Variants in ATP11B observed in about 807,000 individuals in gnomAD.
The protein encoded by ATP11B is ATPase phospholipid transporting 11B (putative), also known as phospholipid-transporting ATPase IF.
A neutral mutation model predicts 157.8 loss-of-function variants in ATP11B; 81 were observed. That is an observed-to-expected ratio of 0.51 (90% CI 0.43 to 0.62). The LOEUF (loss-of-function observed/expected upper bound fraction) is 0.62. Among genes scored for constraint, ATP11B ranks in the 20% least tolerant of loss-of-function variants. The pLI is 0.00. For synonymous variants in ATP11B, 451 were observed against 469.4 expected (o/e 0.96, Z 0.51); for missense variants, 1,165 against 1,402.2 (o/e 0.83, Z 2.70).
At chr3:182,798,947 C>T (rs1482630992) in intron 1 of ATP11B, among the ~76,000 whole-genome samples, 2 of 152,168 alleles carry the variant, frequency 1.3e-5, no homozygotes, top group East Asian at 1.9e-4. Flanking sequence ...AGAAAATTAA[C>T]ATATGTGGCT....
At chr3:182,856,665 A>G (rs1052169631) in intron 10 of ATP11B, among the ~76,000 whole-genome samples, 11 of 152,228 alleles carry the variant, frequency 7.2e-5, no homozygotes, top group African/African-American at 2.7e-4. Context: ...TGCCTAATAC[A>G]TAATAACCAA....
intron 22 of ATP11B, 59 bp downstream of exon 22, chr3:182,884,957 G>A: frequency 2.0e-6 from 2 of 1,011,116 alleles, no homozygotes. Flanking sequence ...TTCAATTTAA[G>A]GAATGTTATA....
chr3:182,831,652 T>C (rs1718153472), intron 4 of ATP11B, among the ~76,000 whole-genome samples: 1 of 152,016 alleles, frequency 6.6e-6, no homozygotes, highest in Non-Finnish European at 1.5e-5. Context: ...TGCTCCTATC[T>C]CAAGATTTTA....
At chr3:182,797,694 G>A (rs1715711400) in intron 1 of ATP11B, among the ~76,000 whole-genome samples, 1 of 149,320 alleles carries the variant, frequency 6.7e-6, no homozygotes, top group African/African-American at 2.5e-5. Flanking sequence ...GGTGACAGAG[G>A]GAGACTCTGT....
chr3:182,917,274 A>G lies in ATP11B; in HGVS notation c.3453-749A>G, dbSNP rs929537053. On this transcript the variant is annotated intron_variant, in intron 29 of 29. Coordinates refer to ENST00000323116, the MANE Select transcript of ATP11B (RefSeq NM_014616.3). ...AAGAAAAGCAGTCTTTCACTTGGTA[A>G]TCCTAATACTGTCCTTGAACTAGGT... 3.0e-6 allele frequency: 3 copies of G among 985,228 alleles called. No homozygotes were observed. In the African/African-American group the frequency reaches 5.2e-5, roughly 17 times the overall value. 61.0% of individuals were successfully genotyped at this position (985,228 alleles called of 1,614,324 possible). A position where few individuals can be genotyped will look rare whatever the true frequency, so the allele number is the denominator to read the frequency against.
chr3:182,899,548 C>T (rs1723807899), intron 28 of ATP11B, among the ~76,000 whole-genome samples: 1 of 152,058 alleles, frequency 6.6e-6, no homozygotes, highest in Non-Finnish European at 1.5e-5. Context: ...TTTAAAATTA[C>T]ATTATCTCAC....
chr3:182,840,229 C>G (rs1387806890), intron 7 of ATP11B, among the ~76,000 whole-genome samples: 2 of 152,170 alleles, frequency 1.3e-5, no homozygotes, highest in Admixed American at 1.3e-4. Context: ...AACTTGTCTT[C>G]CAGGACACTC....
intron 17 of ATP11B, 104 bp downstream of exon 17, chr3:182,869,435 G>T (rs950706911): frequency 1.3e-6 from 1 of 775,954 alleles, no homozygotes; most frequent in Non-Finnish European, 2.0e-6. Flanking sequence ...ACATTCTGCA[G>T]TTGTGTTACA....
At chr3:182,857,835 A>T in intron 10 of ATP11B, 43 bp from the exon 11 acceptor site, 1 of 1,247,014 alleles carries the variant, frequency 8.0e-7, no homozygotes, top group Non-Finnish European at 1.1e-6. Flanking sequence ...GAATATAGTA[A>T]TACATGAGTT....
chr3:182,828,871 T>C (rs1717915363), intron 3 of ATP11B, among the ~76,000 whole-genome samples: 1 of 152,112 alleles, frequency 6.6e-6, no homozygotes, highest in South Asian at 2.1e-4. Flanking sequence ...GTTATTCTTT[T>C]CCGATAAAAC....
chr3:182,835,792 A>T (rs539657712), intron 4 of ATP11B, among the ~76,000 whole-genome samples: 1 of 152,252 alleles, frequency 6.6e-6, no homozygotes, highest in African/African-American at 2.4e-5. Context: ...GAGCCTCCTT[A>T]AGGAAATTGA....
intron 14 of ATP11B, 138 bp from the exon 15 acceptor site, chr3:182,867,237 GT>G (rs1721310404): frequency 3.2e-6 from 2 of 621,540 alleles, no homozygotes; most frequent in Non-Finnish European, 5.5e-6. Context: ...CACCAAAGTT[GT>G]AATATTAAAA....
At chr3:182,898,337 A>T (rs1723704107) in intron 27 of ATP11B, among the ~76,000 whole-genome samples, 2 of 152,116 alleles carry the variant, frequency 1.3e-5, no homozygotes, top group South Asian at 4.1e-4. Flanking sequence ...TTAAGTCTGT[A>T]TTACTACATT....
In ATP11B at chr3:182,832,900, T is replaced by A. The variant is rs545929558; in HGVS notation, c.316-3135T>A. 6.6e-5 allele frequency among the ~76,000 whole-genome samples: 10 copies of A among 152,268 alleles called. No homozygotes were observed. In the South Asian group the frequency reaches 2.1e-3, roughly 32 times the overall value. ...CTATTCAGAGAAGGAAGGGAACACT[T>A]CATCTGGATGATCAGAGACGGTTTT... On this transcript the variant is annotated intron_variant, in intron 4 of 29. Coordinates refer to ENST00000323116, the MANE Select transcript of ATP11B (RefSeq NM_014616.3).
chr3:182,894,428 C>T (rs573099108), intron 25 of ATP11B, among the ~76,000 whole-genome samples: 83 of 152,182 alleles, frequency 5.5e-4, no homozygotes, highest in Non-Finnish European at 1.1e-3. Context: ...TCAGGTGATC[C>T]GCCTGCCTCG....
intron 19 of ATP11B, 126 bp from the exon 20 acceptor site, chr3:182,879,370 A>AAT: frequency 4.0e-6 from 3 of 753,826 alleles, no homozygotes; most frequent in Non-Finnish European, 5.9e-6. Flanking sequence ...CTGACATAAC[A>AAT]GTCTTGTAAC....
intron 14 of ATP11B, 105 bp from the exon 15 acceptor site, chr3:182,867,271 T>A: frequency 1.3e-6 from 1 of 753,616 alleles, no homozygotes; most frequent in Non-Finnish European, 2.2e-6. Context: ...AAATGCATTT[T>A]GAACTTTGAT....
chr3:182,906,561 C>T (rs1192141923), intron 28 of ATP11B, among the ~76,000 whole-genome samples: 1 of 152,056 alleles, frequency 6.6e-6, no homozygotes, highest in Non-Finnish European at 1.5e-5. Context: ...CTCCCACCCT[C>T]GACCCCTCTC....
chr3:182,816,034 T>C (rs1716949326), intron 1 of ATP11B, among the ~76,000 whole-genome samples: 1 of 152,180 alleles, frequency 6.6e-6, no homozygotes, highest in Admixed American at 6.5e-5. Flanking sequence ...TCCTGTCTTG[T>C]GTATTAACAG....
Sources: gnomAD v4.1 joint callset for allele counts (sites outside exome capture counted in the v4.1 genomes callset) on GRCh38, gnomAD v4.1.1 for gene constraint, MANE v1.5 for transcripts, NCBI Gene and HGNC (gene_info 2026-07-23, HGNC 2026-07-21) for gene names.